The following CDH12 variants were observed in gnomAD, a reference collection of about 807,000 sequenced individuals.
The protein encoded by CDH12 is cadherin-12.
CDH12 carries 41 observed loss-of-function variants against 74.1 expected under a neutral mutation model. The ratio of observed to expected loss-of-function variants is 0.55; its 90% CI spans 0.43 to 0.72. The LOEUF is 0.72. CDH12 is among the 30% of genes least tolerant of loss of function. The pLI, the probability that CDH12 is intolerant of heterozygous loss-of-function variation, is 0.00. For synonymous variants in CDH12, 399 were observed against 355.0 expected (o/e 1.12, Z -1.39); for missense variants, 945 against 977.2 (o/e 0.97, Z 0.44).
intron 4 of CDH12, among the ~76,000 whole-genome samples, chr5:22,153,359 G>A (rs983051343): frequency 2.6e-5 from 4 of 151,370 alleles, no homozygotes; most frequent in African/African-American, 7.3e-5. Flanking sequence ...CTCCCATCCC[G>A]TGTGATGTTC....
intron 11 of CDH12, among the ~76,000 whole-genome samples, chr5:21,770,752 C>T (rs957252189): frequency 6.6e-6 from 1 of 152,104 alleles, no homozygotes; most frequent in African/African-American, 2.4e-5. Flanking sequence ...CATAAGGACA[C>T]ATGCACATGT....
chr5:22,361,688 G>A (rs1054236755), intron 3 of CDH12, among the ~76,000 whole-genome samples: 4 of 152,096 alleles, frequency 2.6e-5, no homozygotes, highest in Admixed American at 2.6e-4. Flanking sequence ...TATACTACAA[G>A]GCTACAGTAA....
intron 1 of CDH12, among the ~76,000 whole-genome samples, chr5:22,533,344 T>A (rs1393429686): frequency 6.6e-6 from 1 of 152,224 alleles, no homozygotes; most frequent in Non-Finnish European, 1.5e-5. Flanking sequence ...TTGGGGTTTC[T>A]CACAAGTCTT....
At chr5:22,416,113 G>C (rs1232045339) in intron 2 of CDH12, among the ~76,000 whole-genome samples, 2 of 126,040 alleles carry the variant, frequency 1.6e-5, no homozygotes, top group African/African-American at 6.2e-5. Flanking sequence ...CTCGCTCTGT[G>C]GCCCAGGCGG....
At chr5:22,073,830 C>A (rs1447507651) in intron 5 of CDH12, among the ~76,000 whole-genome samples, 8 of 151,562 alleles carry the variant, frequency 5.3e-5, no homozygotes, top group African/African-American at 1.7e-4. Context: ...CAAATTTCTA[C>A]ATGAATACAT....
At chr5:21,969,762 G>A (rs1018503202) in intron 6 of CDH12, among the ~76,000 whole-genome samples, 2 of 152,104 alleles carry the variant, frequency 1.3e-5, no homozygotes, top group Non-Finnish European at 2.9e-5. Context: ...TAATAGATAA[G>A]TTATATACAA....
rs1437671308 is a variant in CDH12, at chr5:22,170,545, C to CATATAAGCTTCTTATATATAACTTAT, written c.-187+41927_-187+41952dup. Among the ~76,000 whole-genome samples the CATATAAGCTTCTTATATATAACTTAT allele has an allele frequency of 1.2e-4, 18 of 150,702 alleles. No homozygotes were observed. In the East Asian group the frequency reaches 2.1e-3, roughly 18 times the overall value. On this transcript the variant is annotated intron_variant, in intron 4 of 14. Transcript: ENST00000382254. ...GCAATTCAAATGATGAGTTAACTTA[C>CATATAAGCTTCTTATATATAACTTAT]ATATAAGCTTCTTATATATAACTTA...
intron 1 of CDH12, among the ~76,000 whole-genome samples, chr5:22,786,881 G>A (rs2126368308): frequency 6.6e-6 from 1 of 151,886 alleles, no homozygotes; most frequent in East Asian, 1.9e-4. Flanking sequence ...ACCACATCTG[G>A]CTAATTTTTT....
chr5:22,405,159 G>T, intron 3 of CDH12, 98 bp downstream of exon 3: 1 of 201,302 alleles, frequency 5.0e-6, no homozygotes, highest in Non-Finnish European at 8.8e-6. Context: ...GCAGTGAGCC[G>T]AGATGGTGCC....
intron 1 of CDH12, among the ~76,000 whole-genome samples, chr5:22,590,255 G>C (rs140241651): frequency 6.6e-6 from 1 of 152,132 alleles, no homozygotes; most frequent in Non-Finnish European, 1.5e-5. Context: ...TTGAGTGACA[G>C]AATCTAAAGA....
chr5:22,046,799 T>G (rs2150189349), intron 5 of CDH12, among the ~76,000 whole-genome samples: 1 of 152,322 alleles, frequency 6.6e-6, no homozygotes, highest in Non-Finnish European at 1.5e-5. Context: ...CTTTCATTTT[T>G]GGAGGTAGAA....
intron 4 of CDH12, among the ~76,000 whole-genome samples, chr5:22,159,557 G>A (rs745628480): frequency 4.6e-5 from 7 of 151,986 alleles, no homozygotes; most frequent in Non-Finnish European, 1.0e-4. Flanking sequence ...TGACTTAATC[G>A]CTGCTGATAA....
intron 1 of CDH12, among the ~76,000 whole-genome samples, chr5:22,630,420 C>G (rs966973323): frequency 4.6e-5 from 7 of 152,028 alleles, no homozygotes; most frequent in African/African-American, 1.7e-4. Context: ...TAAAACAAAA[C>G]AGCATGGTAC....
At chr5:22,851,169 G>C (rs1041814286) in intron 1 of CDH12, among the ~76,000 whole-genome samples, 3 of 152,010 alleles carry the variant, frequency 2.0e-5, no homozygotes, top group African/African-American at 7.2e-5. Context: ...ATATCATTCC[G>C]TGTGTGGAAG....
intron 3 of CDH12, among the ~76,000 whole-genome samples, chr5:22,358,568 T>C (rs1034290543): frequency 6.6e-6 from 1 of 152,182 alleles, no homozygotes; most frequent in African/African-American, 2.4e-5. Flanking sequence ...ACAATATATA[T>C]AATTGGGCCT....
At chr5:22,498,951 T>C (rs1301939528) in intron 2 of CDH12, among the ~76,000 whole-genome samples, 1 of 138,816 alleles carries the variant, frequency 7.2e-6, no homozygotes, top group African/African-American at 2.7e-5. Flanking sequence ...ACACCCAGAC[T>C]GGAGTGAAGT....
intron 3 of CDH12, among the ~76,000 whole-genome samples, chr5:22,314,849 T>A (rs998755319): frequency 4.5e-4 from 69 of 152,032 alleles, no homozygotes; most frequent in East Asian, 5.8e-4. Context: ...GGTTATTATT[T>A]TTTTTTAATG....
chr5:22,554,611 T>C (rs527857658), intron 1 of CDH12, among the ~76,000 whole-genome samples: 4 of 152,194 alleles, frequency 2.6e-5, no homozygotes, highest in African/African-American at 9.6e-5. Context: ...TACTGGTGAG[T>C]GGACATCCCA....
intron 8 of CDH12, among the ~76,000 whole-genome samples, chr5:21,825,395 C>A (rs1375581124): frequency 1.3e-5 from 2 of 152,130 alleles, no homozygotes; most frequent in Admixed American, 1.3e-4. Context: ...TAAACTCCAA[C>A]AATTTGTACA....
Sources: allele counts gnomAD v4.1 joint callset (sites outside exome capture counted in the v4.1 genomes callset), GRCh38; gene constraint gnomAD v4.1.1; transcripts MANE v1.5; gene names NCBI Gene and HGNC (gene_info 2026-07-23, HGNC 2026-07-21).